CTNND2: variants seen among roughly 807,000 people sequenced by gnomAD.
The protein encoded by CTNND2 is catenin delta-2.
CTNND2 carries 22 observed loss-of-function variants against 144.4 expected under a neutral mutation model. The ratio of observed to expected loss-of-function variants is 0.15; its 90% CI spans 0.11 to 0.22. The LOEUF (loss-of-function observed/expected upper bound fraction) is 0.22. Among genes scored for constraint, CTNND2 ranks in the 10% least tolerant of loss-of-function variants. The pLI, the probability that CTNND2 is intolerant of heterozygous loss-of-function variation, is 1.00. For synonymous variants in CTNND2, 751 were observed against 695.6 expected (o/e 1.08, Z -1.25); for missense variants, 1,353 against 1,618.8 (o/e 0.84, Z 2.82).
chr5:11,684,102 A>AT (rs1355173878), intron 2 of CTNND2, among the ~76,000 whole-genome samples: 1 of 151,372 alleles, frequency 6.6e-6, no homozygotes, highest in Non-Finnish European at 1.5e-5. Context: ...TTTTATTTTT[A>AT]TTTTTTATTT....
chr5:11,217,308 C>T (rs1739301776), intron 10 of CTNND2, among the ~76,000 whole-genome samples: 1 of 152,186 alleles, frequency 6.6e-6, no homozygotes, highest in Admixed American at 6.5e-5. Context: ...AAGATGTGCT[C>T]TGGTATTTTG....
At chr5:11,862,217 T>A (rs1318192240) in intron 1 of CTNND2, among the ~76,000 whole-genome samples, 1 of 152,242 alleles carries the variant, frequency 6.6e-6, no homozygotes, top group Non-Finnish European at 1.5e-5. Flanking sequence ...TTGTCCTGTT[T>A]TAACCAACTT....
rs70949326 is a variant in CTNND2 at position 11,551,432 on chromosome 5, CTTTTT to C, written c.287+13507_287+13511del. 3.5e-3 allele frequency among the ~76,000 whole-genome samples: 352 copies of C among 100,884 alleles called. 1 individual carries two copies. Among genetic ancestry groups the C allele is most frequent in the East Asian group, 8.4e-3 (29 of 3,440 alleles). 66.2% of individuals were successfully genotyped at this position (100,884 alleles called of 152,430 possible). A position where few individuals can be genotyped will look rare whatever the true frequency, so the allele number is the denominator to read the frequency against. On this transcript the variant is annotated intron_variant, in intron 3 of 21. Transcript: ENST00000304623. ...AGCATATTTATGCTTTTTCTTTTTT[CTTTTT>C]TTTTTTTTTTTTTTTTGATAAGGGG...
intron 5 of CTNND2, among the ~76,000 whole-genome samples, chr5:11,402,932 T>C (rs565328815): frequency 2.0e-5 from 3 of 152,348 alleles, no homozygotes; most frequent in African/African-American, 4.8e-5. Context: ...CCAATGTCCT[T>C]GGCTTAATTA....
intron 9 of CTNND2, among the ~76,000 whole-genome samples, chr5:11,332,197 C>A (rs989889869): frequency 1.3e-5 from 2 of 151,550 alleles, no homozygotes; most frequent in Admixed American, 1.3e-4. Context: ...ATCGCTTGAA[C>A]CTGGGAGGCG....
chr5:11,290,246 T>C (rs1748188580), intron 9 of CTNND2, among the ~76,000 whole-genome samples: 2 of 152,200 alleles, frequency 1.3e-5, no homozygotes, highest in South Asian at 2.1e-4. Flanking sequence ...TTAAAAGCCT[T>C]TGCATTCTCT....
At chr5:11,092,078 ACTCT>A (rs1750834734) in intron 15 of CTNND2, among the ~76,000 whole-genome samples, 1 of 150,504 alleles carries the variant, frequency 6.6e-6, no homozygotes, top group Non-Finnish European at 1.5e-5. Flanking sequence ...TGGCTTGGAA[ACTCT>A]CTCTCAAGGT....
chr5:11,005,554 T>C (rs1324006702), intron 18 of CTNND2, among the ~76,000 whole-genome samples: 3 of 152,142 alleles, frequency 2.0e-5, no homozygotes, highest in Admixed American at 6.5e-5. Flanking sequence ...TTAGGAAATA[T>C]ATCATCAGGG....
chr5:11,215,163 T>C (rs1387283824), intron 10 of CTNND2, among the ~76,000 whole-genome samples: 2 of 152,184 alleles, frequency 1.3e-5, no homozygotes, highest in African/African-American at 4.8e-5. Context: ...GGAACGTCTG[T>C]CTGTCAGGAG....
chr5:11,146,574 T>C (rs1226320366), intron 12 of CTNND2, among the ~76,000 whole-genome samples: 1 of 152,200 alleles, frequency 6.6e-6, no homozygotes, highest in Non-Finnish European at 1.5e-5. Context: ...ATTAGAGGTA[T>C]TAAAGAGTTA....
chr5:11,349,911 G>A (rs1755157858), intron 8 of CTNND2, among the ~76,000 whole-genome samples: 1 of 152,160 alleles, frequency 6.6e-6, no homozygotes, highest in Admixed American at 6.5e-5. Flanking sequence ...GCTGAGGTAG[G>A]CAGATCATGA....
chr5:11,615,631 C>CA (rs1780543610), intron 2 of CTNND2, among the ~76,000 whole-genome samples: 1 of 152,078 alleles, frequency 6.6e-6, no homozygotes, highest in Admixed American at 6.6e-5. Context: ...AACAAATAAT[C>CA]AAAAAATCAC....
At position 11,888,555 on chromosome 5, in the gene CTNND2, G is replaced by A. The variant is rs1022154181; in HGVS notation, c.37+15262C>T. Among the ~76,000 whole-genome samples the A allele has an allele frequency of 9.2e-5, 14 of 152,242 alleles. No homozygotes were observed. In the East Asian group the frequency reaches 2.7e-3, roughly 29 times the overall value. On this transcript the variant is annotated intron_variant, in intron 1 of 21. Coordinates refer to ENST00000304623, the MANE Select transcript of CTNND2 (RefSeq NM_001332.4). The stretch of plus-strand genomic sequence containing the variant: ...GCCACCAAATGAAGAATTTCAGGGG[G>A]AAGAAAGGAATACATGTTATTTTTC...
At chr5:11,630,962 A>G (rs929601223) in intron 2 of CTNND2, among the ~76,000 whole-genome samples, 3 of 151,906 alleles carry the variant, frequency 2.0e-5, no homozygotes, top group African/African-American at 7.2e-5. Flanking sequence ...CTCAAAAAAA[A>G]AAAAATACAT....
chr5:11,845,667 T>C (rs1421255242), intron 1 of CTNND2, among the ~76,000 whole-genome samples: 1 of 152,232 alleles, frequency 6.6e-6, no homozygotes, highest in Non-Finnish European at 1.5e-5. Flanking sequence ...ATGTTTTTAT[T>C]AATTAATCCA....
chr5:11,699,116 G>A (rs921613146), intron 2 of CTNND2, among the ~76,000 whole-genome samples: 1 of 151,908 alleles, frequency 6.6e-6, no homozygotes, highest in African/African-American at 2.4e-5. Flanking sequence ...TAAAAAAAGT[G>A]TCACTACATA....
chr5:11,514,002 G>A (rs1771901584), intron 3 of CTNND2, among the ~76,000 whole-genome samples: 1 of 152,058 alleles, frequency 6.6e-6, no homozygotes, highest in Non-Finnish European at 1.5e-5. Flanking sequence ...AACATAGGGA[G>A]ACTTCGTCTC....
Position 11,384,926 on chromosome 5 carries a change from G to A in CTNND2, c.916C>T (p.Arg306Cys), listed in dbSNP as rs1484247001. 4 of 1,601,736 alleles carry A rather than the reference G, an allele frequency of 2.5e-6. No homozygotes were observed. Among genetic ancestry groups the A allele is most frequent in the South Asian group, 2.2e-5 (2 of 89,536 alleles). The change falls in exon 7 of 22, where the codon CGC becomes TGC. Residue 306 changes from arginine to cysteine, a missense_variant. By Grantham distance (180) the Arg-to-Cys change is radical (BLOSUM62 -3). Coordinates refer to ENST00000304623, the MANE Select transcript of CTNND2 (RefSeq NM_001332.4). This position sits in a 1 kb window ranked among gnomAD's most constrained non-coding sequence, Gnocchi z 5.2. ...RGSSPKQSPS[R>C]LAKSYSTSSP... Reference sequence around the variant, plus strand: ...CTGGTGCTGTAGGACTTGGCCAGGCGGCTGGGCGACTGCTTGGGCGAGGAG... The same window carrying A: ...CTGGTGCTGTAGGACTTGGCCAGGCAGCTGGGCGACTGCTTGGGCGAGGAG...
chr5:11,003,000 A>C (rs1322774436), intron 18 of CTNND2, among the ~76,000 whole-genome samples: 1 of 152,198 alleles, frequency 6.6e-6, no homozygotes, highest in African/African-American at 2.4e-5. Context: ...TGGCCTATGT[A>C]TGGCCTTTTT....
Sources: allele counts gnomAD v4.1 joint callset (sites outside exome capture counted in the v4.1 genomes callset), GRCh38; gene constraint gnomAD v4.1.1; non-coding constraint Gnocchi (gnomAD v3.1); transcripts MANE v1.5; gene names NCBI Gene and HGNC (gene_info 2026-07-23, HGNC 2026-07-21).